Variants in DLG5 observed in about 807,000 individuals in gnomAD.
The protein encoded by DLG5 is discs large MAGUK scaffold protein 5.
In DLG5, 48 loss-of-function variants were observed where a neutral mutation model predicts 189.8. The ratio of observed to expected loss-of-function variants is 0.25; its 90% CI spans 0.20 to 0.32. The LOEUF is 0.32. Among genes scored for constraint, DLG5 ranks in the 10% least tolerant of loss-of-function variants. The pLI, the probability that DLG5 is intolerant of heterozygous loss-of-function variation, is 1.00. For synonymous variants in DLG5, 1,016 were observed against 1,054.1 expected, an observed-to-expected ratio of 0.96 and a Z score of 0.70; for missense variants, 2,160 against 2,544.7, an observed-to-expected ratio of 0.85 and a Z score of 3.25.
intron 14 of DLG5, among the ~76,000 whole-genome samples, chr10:77,823,659 T>C (rs1010240793): frequency 6.6e-6 from 1 of 151,844 alleles, no homozygotes; most frequent in Non-Finnish European, 1.5e-5. Flanking sequence ...GTCTCCTGAG[T>C]AGCTGGGATT....
intron 7 of DLG5, 25 bp downstream of exon 7, chr10:77,841,856 G>A: frequency 1.3e-6 from 2 of 1,593,282 alleles, no homozygotes; most frequent in Non-Finnish European, 1.7e-6. Context: ...GAGGCTGAAA[G>A]CCAGCCACCG....
intron 2 of DLG5, chr10:77,868,203 C>T: frequency 2.3e-6 from 1 of 431,258 alleles, no homozygotes; most frequent in South Asian, 1.6e-5. Context: ...CCCTAGAAAA[C>T]TAAGATGGAA....
chr10:77,908,939 T>C (rs971003746), intron 1 of DLG5, among the ~76,000 whole-genome samples: 4 of 152,194 alleles, frequency 2.6e-5, no homozygotes, highest in African/African-American at 9.6e-5. Flanking sequence ...TATTTTCTGG[T>C]ATTTCTAAAA....
rs555505645 is a variant in DLG5, at chr10:77,792,064, G to A, written c.*376C>T. 5.3e-5 allele frequency: 11 copies of A among 208,756 alleles called. No homozygotes were observed. The East Asian group carries it at 1.0e-3, about 20-fold the overall frequency. The allele number at this position is 208,756 out of a possible 1,614,324, so 12.9% of individuals were successfully genotyped here. On this transcript the variant is annotated 3_prime_UTR_variant, in exon 32 of 32. Transcript: ENST00000372391. ...ACAGAGGGGACAGGGGCTGGGCACCGGCAACATGGAGCCGTTCAAGTAAAC... is the reference window on the plus strand; with the variant it reads ...ACAGAGGGGACAGGGGCTGGGCACCAGCAACATGGAGCCGTTCAAGTAAAC...
chr10:77,932,453 C>A, the DLG5 span, among the ~76,000 whole-genome samples: 1 of 152,068 alleles, frequency 6.6e-6, no homozygotes, highest in Admixed American at 6.6e-5. Flanking sequence ...TGAGGCCCTA[C>A]TTCAAAATAA....
At chr10:77,903,150 G>A (rs534557935) in intron 1 of DLG5, among the ~76,000 whole-genome samples, 6 of 152,230 alleles carry the variant, frequency 3.9e-5, no homozygotes, top group South Asian at 2.1e-4. Context: ...TTAAGCAGCC[G>A]GGCGCAGCGG....
Position 77,834,002 on chromosome 10 carries a change from C to T in DLG5, c.1660G>A (p.Ala554Thr). The T allele has an allele frequency of 6.2e-7, 1 of 1,609,246 alleles. No individual in the cohort carries two copies. Among genetic ancestry groups the T allele is most frequent in the East Asian group, 2.2e-5 (1 of 44,850 alleles). Reference sequence around the variant, plus strand: ...AGGGCCTCAGCCAGCTCGCTCACCGCACGGTCCCGCTCCCGCCTCAGGTTG... The same window carrying T: ...AGGGCCTCAGCCAGCTCGCTCACCGTACGGTCCCGCTCCCGCCTCAGGTTG... ...CDNLRRERDR[A>T]VSELAEALRS... The change falls in exon 9 of 32, where the codon GCG becomes ACG. Residue 554 changes from alanine to threonine, a missense_variant. Transcript: ENST00000372391.
chr10:77,908,804 G>T (rs1037061882), intron 1 of DLG5, among the ~76,000 whole-genome samples: 4 of 151,978 alleles, frequency 2.6e-5, no homozygotes, highest in Non-Finnish European at 5.9e-5. Context: ...TGGGGGGAGA[G>T]AAGCCATCTT....
chr10:77,830,886 A>G lies in DLG5; in HGVS notation c.1749-13T>C. On this transcript the variant is annotated splice_polypyrimidine_tract_variant and intron_variant, in intron 9 of 31. Transcript: ENST00000372391. ...TTCCATCTGTTCCCTGTGAACAGAG[A>G]GAGCCACGGTGACAGCCCCTTGGGA... 1.2e-6 allele frequency: 2 copies of G among 1,613,642 alleles called. No homozygotes were observed. Among genetic ancestry groups the G allele is most frequent in the South Asian group, 2.2e-5 (2 of 90,958 alleles).
intron 1 of DLG5, among the ~76,000 whole-genome samples, chr10:77,895,100 C>A (rs1487109870): frequency 6.6e-6 from 1 of 152,222 alleles, no homozygotes; most frequent in African/African-American, 2.4e-5. Context: ...CTGACCAAGT[C>A]CATCAGGGCT....
Position 77,799,757 on chromosome 10 carries a change from C to T in DLG5, c.5165-3163G>A, listed in dbSNP as rs530110591. 5.3e-5 allele frequency among the ~76,000 whole-genome samples: 8 copies of T among 152,224 alleles called. No homozygotes were observed. In the East Asian group the frequency reaches 1.2e-3, roughly 22 times the overall value. On this transcript the variant is annotated intron_variant, in intron 27 of 31. Transcript: ENST00000372391. ...CTGAGTAGCCGGGACTACAGGCACA[C>T]GCCACCACACTTGATTAGTTTTTTA...
intron 1 of DLG5, among the ~76,000 whole-genome samples, chr10:77,918,030 C>A (rs200503656): frequency 0.069 from 9,676 of 140,602 alleles, 987 homozygotes; most frequent in African/African-American, 0.22. Flanking sequence ...AAAAAAAAAA[C>A]AAAAAACAAA....
upstream of DLG5, chr10:77,926,861 C>A (rs1227499618): frequency 1.1e-5 from 3 of 263,354 alleles, no homozygotes; most frequent in East Asian, 1.7e-4. The surrounding 1 kb of genome is among the most constrained non-coding windows in gnomAD (Gnocchi z 5.2). Flanking sequence ...GCTCCCCCTC[C>A]CCCTCAGCCT....
chr10:77,829,434 G>T lies in DLG5; in HGVS notation c.2106C>A (p.Ile702=), dbSNP rs747726063. ...IKALLNGEGA[I]NMVVRRRKSL... Reference sequence around the variant, plus strand: ...ACTTCCTCCGCCGCACGACCATGTTGATGGCCCCCTCCCCATTGAGGAGCG... The same window carrying T: ...ACTTCCTCCGCCGCACGACCATGTTTATGGCCCCCTCCCCATTGAGGAGCG... Residue 702 remains isoleucine (I), a synonymous_variant, in exon 12 of 32, where the codon ATC becomes ATA. Transcript: ENST00000372391. The T allele has an allele frequency of 6.2e-7, 1 of 1,614,086 alleles. No homozygotes were observed. The highest frequency in any genetic ancestry group is 1.3e-5 in the African/African-American group (1 of 74,940).
At position 77,821,621 on chromosome 10, in the gene DLG5, T is replaced by G. The variant is rs1390984290; in HGVS notation, c.2863A>C (p.Thr955Pro). ...GTWPKAMLSS[T>P]AVPEKLSVYK... ...ACAGAGAGCTTCTCAGGCACTGCCG[T>G]GGAGCTGAGCATGGCCTTGGGCCAG... Residue 955 changes from threonine (T) to proline (P), a missense_variant, in exon 15 of 32, where the codon ACG becomes CCG. Thr to Pro is a conservative substitution (Grantham distance 38). Transcript: ENST00000372391. The G allele has an allele frequency of 6.2e-7, 1 of 1,613,008 alleles. No individual in the cohort carries two copies. Among genetic ancestry groups the G allele is most frequent in the Non-Finnish European group, 8.5e-7 (1 of 1,180,010 alleles).
Position 77,792,268 on chromosome 10 carries a change from G to T in DLG5, c.*172C>A. 1 of 649,890 alleles carries T rather than the reference G, an allele frequency of 1.5e-6. No individual in the cohort carries two copies. The highest frequency in any genetic ancestry group is 2.7e-6 in the Non-Finnish European group (1 of 369,942). 40.3% of individuals were successfully genotyped at this position (649,890 alleles called of 1,614,324 possible). On this transcript the variant is annotated 3_prime_UTR_variant, in exon 32 of 32. Transcript: ENST00000372391. ...GAGTGTGTGGGCCTGGGCCTGGATC[G>T]CACGCAGCCGTGGCCCTCTGTCTAC...
At chr10:77,905,126 T>A (rs182286495) in intron 1 of DLG5, among the ~76,000 whole-genome samples, 1 of 146,606 alleles carries the variant, frequency 6.8e-6, no homozygotes, top group East Asian at 2.1e-4. Context: ...CGAGACTTCA[T>A]CTCAAAAAAA....
intron 6 of DLG5, 99 bp downstream of exon 6, chr10:77,843,348 T>G: frequency 1.4e-6 from 2 of 1,447,416 alleles, no homozygotes; most frequent in Middle Eastern, 2.6e-4. Flanking sequence ...ATTTTTTGAT[T>G]GAAAAAGCAC....
At chr10:77,799,948 T>A (rs906078109) in intron 27 of DLG5, among the ~76,000 whole-genome samples, 1 of 151,996 alleles carries the variant, frequency 6.6e-6, no homozygotes, top group African/African-American at 2.4e-5. Flanking sequence ...CAGACTAACA[T>A]AAGAGGAAAA....
Sources: allele counts gnomAD v4.1 joint callset (sites outside exome capture counted in the v4.1 genomes callset), GRCh38; gene constraint gnomAD v4.1.1; non-coding constraint Gnocchi (gnomAD v3.1); transcripts MANE v1.5; gene names NCBI Gene and HGNC (gene_info 2026-07-23, HGNC 2026-07-21).